B9D1: variants seen among roughly 807,000 people sequenced by gnomAD.
B9D1 encodes B9 domain containing 1.
In B9D1, 20 loss-of-function variants were observed where a neutral mutation model predicts 26.1. That is an observed-to-expected ratio of 0.77 (90% CI 0.54 to 1.12). The LOEUF is 1.12. Among genes scored for constraint, B9D1 ranks in the 50% most tolerant of loss-of-function variants. The pLI is 0.00. For missense variants in B9D1, 260 were observed against 273.7 expected, an observed-to-expected ratio of 0.95 and a Z score of 0.35; for synonymous variants, 105 against 103.1, an observed-to-expected ratio of 1.02 and a Z score of -0.11.
downstream of B9D1, chr17:19,335,875 A>T (rs2152243339): frequency 6.4e-6 from 1 of 155,634 alleles, no homozygotes; most frequent in East Asian, 1.9e-4. Context: ...GCTTTTACCC[A>T]GGGAGGGGAC....
At chr17:19,364,281 C>T (rs1007981216), upstream of B9D1, among the ~76,000 whole-genome samples, 5 of 152,076 alleles carry the variant, frequency 3.3e-5, no homozygotes, top group African/African-American at 4.8e-5. This position sits in a 1 kb window ranked among gnomAD's most constrained non-coding sequence, Gnocchi z 4.3. Flanking sequence ...CAAATAAGCC[C>T]GACCCCTGGG....
At chr17:19,366,215 C>T (rs565465128), upstream of B9D1, among the ~76,000 whole-genome samples, 400 of 152,066 alleles carry the variant, frequency 2.6e-3, 3 homozygotes, top group African/African-American at 9.5e-3. Flanking sequence ...CCTCCATCTG[C>T]TCTGCCCTGG....
intron 2 of B9D1, 58 bp downstream of exon 2, chr17:19,360,261 AC>A (rs1485193898): frequency 2.0e-6 from 3 of 1,492,952 alleles, no homozygotes; most frequent in African/African-American, 2.8e-5. Flanking sequence ...AGGATATGAC[AC>A]CTTCAGAAAC....
chr17:19,348,356 T>G (rs148785615), intron 3 of B9D1, among the ~76,000 whole-genome samples: 2 of 152,268 alleles, frequency 1.3e-5, no homozygotes, highest in African/African-American at 2.4e-5. Context: ...TTTAAAATAT[T>G]ATAGGTACTA....
chr17:19,366,471 C>G (rs188689492), upstream of B9D1, among the ~76,000 whole-genome samples: 26 of 152,032 alleles, frequency 1.7e-4, no homozygotes, highest in African/African-American at 4.8e-4. Context: ...CTCTTTACAC[C>G]CCCACGAAGT....
At chr17:19,341,526 AG>A (rs1907964344), downstream of B9D1, among the ~76,000 whole-genome samples, 1 of 152,202 alleles carries the variant, frequency 6.6e-6, no homozygotes, top group Admixed American at 6.5e-5. Flanking sequence ...GTCCTCAGGT[AG>A]GGTAAGGAAG....
intron 1 of B9D1, among the ~76,000 whole-genome samples, chr17:19,376,664 G>A (rs1006000343): frequency 7.1e-6 from 1 of 141,458 alleles, no homozygotes; most frequent in Non-Finnish European, 1.5e-5. Flanking sequence ...CGGGCTTGAT[G>A]GCTCATGCCT....
chr17:19,358,005 G>A lies in B9D1; in HGVS notation c.133-54C>T, dbSNP rs866191544. The A allele has an allele frequency of 3.7e-5, 52 of 1,403,942 alleles. 1 individual carries two copies. In the Middle Eastern group the frequency reaches 5.6e-3, roughly 152 times the overall value. 87.0% of individuals were successfully genotyped at this position (1,403,942 alleles called of 1,614,324 possible). On this transcript the variant is annotated intron_variant, in intron 2 of 6. Transcript: ENST00000261499. ...ATTCAGAGCAGAGCCAAGCTGCTGC[G>A]GCTCCTCCCCTTACCTTCAGCAGGC...
rs1201140712 is a variant in B9D1, at chr17:19,375,120, T to C, written c.-298+2739A>G. Reference sequence around the variant, plus strand: ...GCCTGGCCAACACAGTGAGACCCTGTCTCTGCTAAAAATACAAAAATTAGC... The same window carrying C: ...GCCTGGCCAACACAGTGAGACCCTGCCTCTGCTAAAAATACAAAAATTAGC... On this transcript the variant is annotated intron_variant, in intron 1 of 5. Coordinates refer to the B9D1 transcript ENST00000477478. Among the ~76,000 whole-genome samples, 4 of 152,040 alleles carry C rather than the reference T, an allele frequency of 2.6e-5. No homozygotes were observed. In the East Asian group the frequency reaches 7.8e-4, roughly 30 times the overall value.
At chr17:19,341,004 A>C (rs1907908999), downstream of B9D1, 7 of 507,400 alleles carry the variant, frequency 1.4e-5, no homozygotes, top group Non-Finnish European at 2.0e-5. Context: ...GTGAATATAC[A>C]AGTACGGAAC....
At chr17:19,377,764 C>A (rs551022314) in intron 1 of B9D1, 2 of 924,134 alleles carry the variant, frequency 2.2e-6, no homozygotes, top group East Asian at 2.4e-4. Context: ...GCGGGCTCCG[C>A]AGAGGAGCAG....
chr17:19,368,900 G>A (rs1911737447), intron 1 of B9D1, among the ~76,000 whole-genome samples: 1 of 152,076 alleles, frequency 6.6e-6, no homozygotes, highest in African/African-American at 2.4e-5. Context: ...AGCTGATGGC[G>A]CCACAGCAAG....
chr17:19,343,543 G>A (rs751558555), intron 6 of B9D1, 82 bp from the exon 7 acceptor site: 37 of 1,598,310 alleles, frequency 2.3e-5, no homozygotes, highest in East Asian at 4.5e-5. Flanking sequence ...CAGCCTCAGC[G>A]TTCTCATCTG....
chr17:19,362,778 T>G, upstream of B9D1: 1 of 1,422,156 alleles, frequency 7.0e-7, no homozygotes, highest in Non-Finnish European at 9.5e-7. Context: ...GGGGCGGGGA[T>G]CCACGCCGAG....
At chr17:19,376,787 CAAATAAAATAAAATAAAATA>C (rs150015643) in intron 1 of B9D1, among the ~76,000 whole-genome samples, 91 of 134,758 alleles carry the variant, frequency 6.8e-4, no homozygotes, top group Middle Eastern at 3.6e-3. Flanking sequence ...ACTCACTCTT[CAAATAAAATAAAATAAAATA>C]AAATAAAATA....
chr17:19,338,214 C>T (rs533076330), downstream of B9D1, among the ~76,000 whole-genome samples: 4 of 152,248 alleles, frequency 2.6e-5, no homozygotes, highest in Admixed American at 6.5e-5. Context: ...TGGAAGCTGC[C>T]GCACAGACTG....
chr17:19,369,871 C>G (rs1259312029), intron 1 of B9D1, among the ~76,000 whole-genome samples: 1 of 152,182 alleles, frequency 6.6e-6, no homozygotes, highest in Non-Finnish European at 1.5e-5. Flanking sequence ...CATGGCCATT[C>G]CCTCCTCCTG....
At chr17:19,339,061 T>C (rs1233613678), downstream of B9D1, among the ~76,000 whole-genome samples, 1 of 151,952 alleles carries the variant, frequency 6.6e-6, no homozygotes, top group African/African-American at 2.4e-5. Flanking sequence ...GGGATCATGA[T>C]GGGAGAGCCA....
At position 19,360,300 on chromosome 17, in the gene B9D1, G is replaced by A. The variant is rs1910876978; in HGVS notation, c.132+20C>T. On this transcript the variant is annotated intron_variant, in intron 2 of 6. Coordinates refer to ENST00000261499, the MANE Select transcript of B9D1 (RefSeq NM_015681.6). ...CAAAAGTCATGAAGGCGGTAAGGGA[G>A]GCCCAAGAGTCCAGCTTACCGCTGT... The A allele has an allele frequency of 6.2e-7, 1 of 1,612,768 alleles. No individual in the cohort carries two copies. The highest frequency in any genetic ancestry group is 1.7e-5 in the Admixed American group (1 of 60,004).
Sources: allele counts gnomAD v4.1 joint callset (sites outside exome capture counted in the v4.1 genomes callset), GRCh38; gene constraint gnomAD v4.1.1; non-coding constraint Gnocchi (gnomAD v3.1); transcripts MANE v1.5; gene names NCBI Gene and HGNC (gene_info 2026-07-23, HGNC 2026-07-21).